NR5A2: variants seen among roughly 807,000 people sequenced by gnomAD.
NR5A2 encodes CYP7A promoter-binding factor.
NR5A2 carries 26 observed loss-of-function variants against 62.7 expected under a neutral mutation model. The observed-to-expected ratio is 0.41, with a 90% CI of 0.30 to 0.58. NR5A2 has a LOEUF of 0.58. Ranked by LOEUF, NR5A2 falls within the 20% of genes least tolerant of loss-of-function variation. The pLI is 0.22. For missense variants in NR5A2, 541 were observed against 669.1 expected, an observed-to-expected ratio of 0.81 and a Z score of 2.11; for synonymous variants, 246 against 241.7, an observed-to-expected ratio of 1.02 and a Z score of -0.16.
At chr1:200,165,430 A>G (rs1653855948) in intron 7 of NR5A2, among the ~76,000 whole-genome samples, 1 of 152,196 alleles carries the variant, frequency 6.6e-6, no homozygotes, top group South Asian at 2.1e-4. Flanking sequence ...GGACACACGT[A>G]ATGACATGTA....
intron 5 of NR5A2, among the ~76,000 whole-genome samples, chr1:200,106,464 C>T (rs752085392): frequency 6.6e-6 from 1 of 152,196 alleles, no homozygotes; most frequent in Admixed American, 6.5e-5. Flanking sequence ...TTTACACTCT[C>T]ATCTATAATA....
chr1:200,044,746 T>A (rs1662278578), intron 3 of NR5A2, among the ~76,000 whole-genome samples: 1 of 152,084 alleles, frequency 6.6e-6, no homozygotes, highest in Admixed American at 6.5e-5. Flanking sequence ...GTAAATCTCA[T>A]ATTATAAAGC....
rs3790795 is a variant in NR5A2 at position 200,149,839 on chromosome 1, T to C, written c.1379-24124T>C. Among the ~76,000 whole-genome samples, 20 of 152,334 alleles carry C rather than the reference T, an allele frequency of 1.3e-4. No homozygotes were observed. The East Asian group carries it at 3.7e-3, about 28-fold the overall frequency. Reference sequence around the variant, plus strand: ...TGTGCCTATAATGATTTCACCAATATTTCTACATATGAACTACTATTCATC... The same window carrying C: ...TGTGCCTATAATGATTTCACCAATACTTCTACATATGAACTACTATTCATC... On this transcript the variant is annotated intron_variant, in intron 7 of 7. Coordinates refer to ENST00000367362, the MANE Select transcript of NR5A2 (RefSeq NM_205860.3).
intron 6 of NR5A2, among the ~76,000 whole-genome samples, chr1:200,114,190 A>C (rs375596646): frequency 1.4e-5 from 1 of 69,740 alleles, no homozygotes; most frequent in African/African-American, 5.0e-5. Context: ...CTCAAAAAAA[A>C]TAATAGAAAA....
chr1:200,159,420 C>T (rs932784019), intron 7 of NR5A2, among the ~76,000 whole-genome samples: 2 of 152,016 alleles, frequency 1.3e-5, no homozygotes, highest in African/African-American at 4.8e-5. Context: ...GCCACATCAC[C>T]CAGGGATACT....
At chr1:200,168,892 T>C (rs767489926) in intron 7 of NR5A2, among the ~76,000 whole-genome samples, 1 of 152,224 alleles carries the variant, frequency 6.6e-6, no homozygotes, top group Non-Finnish European at 1.5e-5. Flanking sequence ...AAATCTATTT[T>C]CTTTCTCCTT....
chr1:200,045,413 A>G (rs1662313470), intron 3 of NR5A2, 30 bp from the exon 4 acceptor site: 3 of 1,551,176 alleles, frequency 1.9e-6, no homozygotes, highest in Non-Finnish European at 2.6e-6. Flanking sequence ...TAGATTTATA[A>G]TACGTCTCAC....
intron 7 of NR5A2, among the ~76,000 whole-genome samples, chr1:200,140,649 T>C (rs1186211200): frequency 1.3e-5 from 2 of 152,178 alleles, no homozygotes; most frequent in African/African-American, 4.8e-5. Flanking sequence ...CTACAGGAAG[T>C]TGGATGTTAA....
At chr1:200,097,546 T>C (rs1665157398) in intron 5 of NR5A2, among the ~76,000 whole-genome samples, 1 of 152,264 alleles carries the variant, frequency 6.6e-6, no homozygotes, top group Non-Finnish European at 1.5e-5. Flanking sequence ...GGCTGTGCTA[T>C]GCATAACTTC....
chr1:200,083,842 G>A (rs1014625818), intron 5 of NR5A2, among the ~76,000 whole-genome samples: 5 of 151,976 alleles, frequency 3.3e-5, no homozygotes, highest in African/African-American at 1.2e-4. Flanking sequence ...GCTCATGCCT[G>A]TAATCCCAGC....
intron 2 of NR5A2, chr1:200,043,033 C>G: frequency 1.0e-6 from 1 of 981,288 alleles, no homozygotes; most frequent in Non-Finnish European, 1.2e-6. Flanking sequence ...TACTTTGAAA[C>G]CAAAACCCTT....
intron 5 of NR5A2, among the ~76,000 whole-genome samples, chr1:200,095,910 AAAT>A (rs1665075415): frequency 6.6e-6 from 1 of 152,122 alleles, no homozygotes; most frequent in African/African-American, 2.4e-5. Flanking sequence ...AGACATAAAG[AAAT>A]AATAGGAAAA....
At chr1:200,029,588 G>A (rs1222034668) in intron 1 of NR5A2, 1 of 152,446 alleles carries the variant, frequency 6.6e-6, no homozygotes, top group African/African-American at 2.4e-5. Flanking sequence ...GCCCATAAGG[G>A]GCTGCTGGGG....
At chr1:200,169,368 G>A (rs1233908120) in intron 7 of NR5A2, among the ~76,000 whole-genome samples, 1 of 152,090 alleles carries the variant, frequency 6.6e-6, no homozygotes, top group East Asian at 1.9e-4. Context: ...CACACTCCAT[G>A]TGAGCCTCAC....
At chr1:200,157,514 T>C (rs562936321) in intron 7 of NR5A2, among the ~76,000 whole-genome samples, 7 of 152,142 alleles carry the variant, frequency 4.6e-5, no homozygotes, top group African/African-American at 1.7e-4. Context: ...GAAAAAAAAA[T>C]AGGATAGCTT....
intron 7 of NR5A2, among the ~76,000 whole-genome samples, chr1:200,144,233 T>TCTCACACACACACA (rs1446217306): frequency 5.0e-4 from 40 of 80,126 alleles, no homozygotes; most frequent in African/African-American, 1.1e-3. Context: ...TCTCTCTCTC[T>TCTCACACACACACA]CACACACACA....
intron 5 of NR5A2, among the ~76,000 whole-genome samples, chr1:200,104,228 A>G (rs1482293456): frequency 6.6e-6 from 1 of 152,200 alleles, no homozygotes; most frequent in African/African-American, 2.4e-5. Flanking sequence ...AAATCTATTG[A>G]GTATTGCAAC....
chr1:200,037,203 C>T (rs1661818477), intron 1 of NR5A2, among the ~76,000 whole-genome samples: 1 of 152,148 alleles, frequency 6.6e-6, no homozygotes, highest in Admixed American at 6.5e-5. Flanking sequence ...ACTAGGTCAG[C>T]CTCAGCCTCA....
chr1:200,121,555 G>C (rs1026315247), intron 7 of NR5A2, among the ~76,000 whole-genome samples: 2 of 152,126 alleles, frequency 1.3e-5, no homozygotes, highest in African/African-American at 4.8e-5. Flanking sequence ...CTAAATCAAG[G>C]TTCTCAGTGA....
Sources: gnomAD v4.1 joint callset for allele counts (sites outside exome capture counted in the v4.1 genomes callset) on GRCh38, gnomAD v4.1.1 for gene constraint, MANE v1.5 for transcripts, NCBI Gene and HGNC (gene_info 2026-07-23, HGNC 2026-07-21) for gene names.